TMC5: variants seen among roughly 807,000 people sequenced by gnomAD.
TMC5 encodes the protein transmembrane channel-like protein 5.
In TMC5, 86 loss-of-function variants were observed where a neutral mutation model predicts 110.5. The ratio of observed to expected loss-of-function variants is 0.78; its 90% CI spans 0.65 to 0.93. The LOEUF (loss-of-function observed/expected upper bound fraction) is 0.93, where lower values mean the gene tolerates loss of function less well. Ranked by LOEUF, TMC5 falls within the 40% of genes least tolerant of loss-of-function variation. The pLI is 0.00. For synonymous variants in TMC5, 455 were observed against 439.5 expected (o/e 1.04, Z -0.44); for missense variants, 1,144 against 1,222.8 (o/e 0.94, Z 0.96).
In TMC5 at chr16:19,499,009, C is replaced by G. The variant is rs112357160; in HGVS notation, c.*1043C>G. ...CTGGGAGGCAGAGGTTGCAGTGAGG[C>G]GAGATTGTACCACTGCATTCCAGCC... On this transcript the variant is annotated 3_prime_UTR_variant, in exon 22 of 22. Coordinates refer to ENST00000542583, the MANE Select transcript of TMC5 (RefSeq NM_001261841.2). 6.6e-6 allele frequency: 1 copy of G among 152,138 alleles called. No homozygotes were observed. The highest frequency in any genetic ancestry group is 3.4e-3 in the Middle Eastern group (1 of 296). 9.4% of individuals were successfully genotyped at this position (152,138 alleles called of 1,614,324 possible).
At chr16:19,449,008 G>A (rs1201527253) in intron 4 of TMC5, among the ~76,000 whole-genome samples, 2 of 151,110 alleles carry the variant, frequency 1.3e-5, no homozygotes, top group Non-Finnish European at 3.0e-5. Context: ...ACAGGCGCCC[G>A]CCACTACACC....
At chr16:19,461,884 A>C (rs1968032058) in intron 6 of TMC5, among the ~76,000 whole-genome samples, 1 of 152,208 alleles carries the variant, frequency 6.6e-6, no homozygotes, top group Non-Finnish European at 1.5e-5. Flanking sequence ...GGCAGAAAGT[A>C]AATCAGGCCA....
Position 19,472,244 on chromosome 16 carries a change from G to A in TMC5, c.1938+1G>A, listed in dbSNP as rs1968362767. 3.1e-6 allele frequency: 5 copies of A among 1,613,724 alleles called. No homozygotes were observed. The highest frequency in any genetic ancestry group is 4.2e-6 in the Non-Finnish European group (5 of 1,179,898). ...TTACCTGGCTGAGTACAACTTAGAG[G>A]TAACCAACACCAGGGTCCAGGGCAG... On this transcript the variant is annotated splice_donor_variant, in intron 11 of 21. Transcript: ENST00000542583. LOFTEE classifies it high-confidence loss of function.
intron 2 of TMC5, among the ~76,000 whole-genome samples, chr16:19,434,699 AGTTGCCAGG>A (rs1346486898): frequency 1.3e-5 from 2 of 151,974 alleles, no homozygotes; most frequent in Non-Finnish European, 2.9e-5. Context: ...CTCTTTTGGA[AGTTGCCAGG>A]GTTTACATTG....
rs1297558491 is a variant in TMC5 at position 19,449,587 on chromosome 16, G to A, written c.1004G>A (p.Gly335Glu). The A allele has an allele frequency of 2.5e-6, 4 of 1,613,992 alleles. No homozygotes were observed. The highest frequency in any genetic ancestry group is 3.4e-6 in the Non-Finnish European group (4 of 1,180,036). Residue 335 changes from glycine (G) to glutamate (E), a missense_variant, in exon 5 of 22, where the codon GGA becomes GAA. Gly to Glu is a moderately conservative substitution (Grantham distance 98). Coordinates refer to ENST00000542583, the MANE Select transcript of TMC5 (RefSeq NM_001261841.2). ...VGESGPVHAY[G>E]NPPLSECDWH... The stretch of plus-strand genomic sequence containing the variant: ...GAAAGTGGTCCTGTCCATGCTTATG[G>A]AAACCCACCATTGTCTGAATGTGAT...
chr16:19,455,720 C>A (rs7200836), intron 5 of TMC5, among the ~76,000 whole-genome samples: 4,690 of 152,228 alleles, frequency 0.031, 262 homozygotes, highest in African/African-American at 0.11. Context: ...CACCCTTAGC[C>A]GCAAAGAACA....
intron 18 of TMC5, among the ~76,000 whole-genome samples, chr16:19,490,949 T>TTCCC (rs1968885929): frequency 2.8e-5 from 2 of 70,508 alleles, no homozygotes; most frequent in Non-Finnish European, 5.7e-5. Flanking sequence ...CTTCCCTTCC[T>TTCCC]TTCCCCTTCC....
At chr16:19,418,731 T>TGG (rs1966913469) in intron 1 of TMC5, among the ~76,000 whole-genome samples, 1 of 149,112 alleles carries the variant, frequency 6.7e-6, no homozygotes, top group African/African-American at 2.5e-5. Context: ...TTTTGTGTTT[T>TGG]TTTTTTTTTT....
In TMC5 at chr16:19,440,075, G is replaced by T; in HGVS notation, c.37G>T (p.Asp13Tyr). 6.2e-7 allele frequency: 1 copy of T among 1,614,036 alleles called. No individual in the cohort carries two copies. The highest frequency in any genetic ancestry group is 1.1e-5 in the South Asian group (1 of 91,074). ...CTACAGGAATAACTGGTCTGAGGAA[G>T]ACCCAGATTACCCTGACTATTCAGG... ...AYYRNNWSEEDPDYPDYSGSQ... is the reference protein window; with the variant it reads ...AYYRNNWSEEYPDYPDYSGSQ... Residue 13 changes from aspartate to tyrosine, a missense_variant, in exon 3 of 22, where the codon GAC (aspartate) becomes TAC (tyrosine). Physicochemically the swap from Asp to Tyr is radical, Grantham distance 160. Transcript: ENST00000542583.
chr16:19,451,322 G>A (rs888630562), intron 5 of TMC5, among the ~76,000 whole-genome samples: 1 of 152,188 alleles, frequency 6.6e-6, no homozygotes, highest in African/African-American at 2.4e-5. Flanking sequence ...TAAGATAACC[G>A]TTAGCCTCAT....
chr16:19,429,916 G>T (rs1344464196), intron 1 of TMC5, among the ~76,000 whole-genome samples: 1 of 151,810 alleles, frequency 6.6e-6, no homozygotes. Context: ...CCACCCCAGT[G>T]AACTTATTTT....
chr16:19,413,985 A>G (rs1966864855), upstream of TMC5, among the ~76,000 whole-genome samples: 1 of 152,252 alleles, frequency 6.6e-6, no homozygotes, highest in Admixed American at 6.5e-5. Flanking sequence ...AGAACAATGT[A>G]AGGATAAATG....
chr16:19,473,272 G>A (rs572065963), intron 11 of TMC5, among the ~76,000 whole-genome samples: 13 of 146,186 alleles, frequency 8.9e-5, no homozygotes, highest in East Asian at 2.0e-4. Flanking sequence ...CTTGAACCTC[G>A]GAGGCAGAGG....
intron 8 of TMC5, 139 bp from the exon 9 acceptor site, chr16:19,465,943 C>T (rs1274773783): frequency 8.8e-6 from 7 of 795,662 alleles, no homozygotes; most frequent in Non-Finnish European, 1.3e-5. Flanking sequence ...ATTCTCAGTG[C>T]CCCTTTCCTG....
At chr16:19,493,554 G>C (rs1337684692) in intron 19 of TMC5, among the ~76,000 whole-genome samples, 3 of 151,454 alleles carry the variant, frequency 2.0e-5, no homozygotes, top group Non-Finnish European at 4.4e-5. Flanking sequence ...TCTGCCTCCT[G>C]GGTTCAAGTG....
chr16:19,428,091 A>G lies in TMC5; in HGVS notation c.-307-2322A>G, dbSNP rs569592086. Among the ~76,000 whole-genome samples, 30 of 152,332 alleles carry G rather than the reference A, an allele frequency of 2.0e-4. No homozygotes were observed. The East Asian group carries it at 4.4e-3, about 23-fold the overall frequency. ...AGGGTAAAACTGCTGGGAGGGGTTT[A>G]GTCCATGAACTTCCTTCCAAGAAAG... On this transcript the variant is annotated intron_variant, in intron 1 of 21. Transcript: ENST00000542583.
chr16:19,477,375 C>G, intron 12 of TMC5, 65 bp from the exon 13 acceptor site: 1 of 1,221,148 alleles, frequency 8.2e-7, no homozygotes, highest in Non-Finnish European at 1.2e-6. Flanking sequence ...CCCAAAGGAG[C>G]TATTTGCAGA....
rs1968618020 is a variant in TMC5, at chr16:19,481,470, G to A, written c.2363+5G>A. Reference sequence around the variant, plus strand: ...CTATGCACAAACTCTGGTGTGGTAAGTTTTGTGACTCAGCAAAATGCCCAG... The same window carrying A: ...CTATGCACAAACTCTGGTGTGGTAAATTTTGTGACTCAGCAAAATGCCCAG... On this transcript the variant is annotated splice_donor_5th_base_variant and intron_variant, in intron 15 of 21. Transcript: ENST00000542583. 1 of 1,607,502 alleles carries A rather than the reference G, an allele frequency of 6.2e-7. No individual in the cohort carries two copies. The highest frequency in any genetic ancestry group is 8.5e-7 in the Non-Finnish European group (1 of 1,174,050).
intron 1 of TMC5, among the ~76,000 whole-genome samples, chr16:19,419,549 A>G (rs186362297): frequency 1.2e-3 from 183 of 151,330 alleles, no homozygotes; most frequent in African/African-American, 4.2e-3. Context: ...AGTAGCTGGG[A>G]CTACGGGCGC....
Sources: allele counts gnomAD v4.1 joint callset (sites outside exome capture counted in the v4.1 genomes callset), GRCh38; gene constraint gnomAD v4.1.1; transcripts MANE v1.5; gene names NCBI Gene and HGNC (gene_info 2026-07-23, HGNC 2026-07-21).